ZBTB7C: variants seen among roughly 807,000 people sequenced by gnomAD.
ZBTB7C encodes zinc finger and BTB domain containing 7C, also known as zinc finger and BTB domain-containing protein 7C.
A neutral mutation model predicts 25.7 loss-of-function variants in ZBTB7C; 8 were observed. The ratio of observed to expected loss-of-function variants is 0.31; its 90% CI spans 0.18 to 0.56. The LOEUF (loss-of-function observed/expected upper bound fraction) is 0.56. Among genes scored for constraint, ZBTB7C ranks in the 20% least tolerant of loss-of-function variants. ZBTB7C has a pLI of 0.91. For synonymous variants in ZBTB7C, 394 were observed against 369.0 expected (o/e 1.07, Z -0.78); for missense variants, 824 against 855.2 (o/e 0.96, Z 0.46).
intron 2 of ZBTB7C, among the ~76,000 whole-genome samples, chr18:48,332,174 A>G (rs928241692): frequency 3.9e-5 from 6 of 152,210 alleles, no homozygotes; most frequent in Admixed American, 3.9e-4. Flanking sequence ...CTCTCAGTCT[A>G]TAACAATTCC....
At chr18:48,401,059 G>A (rs139363132) in intron 1 of ZBTB7C, among the ~76,000 whole-genome samples, 300 of 152,262 alleles carry the variant, frequency 2.0e-3, no homozygotes, top group Non-Finnish European at 3.2e-3. Flanking sequence ...CTCTCCTTCC[G>A]TTCAAGGTAG....
At chr18:48,357,576 T>C (rs992028205) in intron 1 of ZBTB7C, among the ~76,000 whole-genome samples, 7 of 152,296 alleles carry the variant, frequency 4.6e-5, no homozygotes, top group African/African-American at 1.7e-4. Context: ...TCAATTTGCC[T>C]TTCCCCAGCA....
chr18:48,373,228 G>T (rs376655960), intron 1 of ZBTB7C, among the ~76,000 whole-genome samples: 4 of 151,912 alleles, frequency 2.6e-5, no homozygotes, highest in African/African-American at 7.2e-5. Flanking sequence ...GCTTGGTACG[G>T]TCTTTGTGAT....
At chr18:48,358,998 C>T (rs2047040764) in intron 1 of ZBTB7C, among the ~76,000 whole-genome samples, 3 of 152,162 alleles carry the variant, frequency 2.0e-5, no homozygotes, top group African/African-American at 7.2e-5. Flanking sequence ...GCCCCTGTCT[C>T]CAATGCTTCC....
intron 2 of ZBTB7C, among the ~76,000 whole-genome samples, chr18:48,240,854 T>C (rs936236238): frequency 3.3e-5 from 5 of 152,162 alleles, no homozygotes; most frequent in African/African-American, 1.2e-4. Flanking sequence ...CATCTTAACA[T>C]TAACATTGAA....
intron 3 of ZBTB7C, among the ~76,000 whole-genome samples, chr18:48,155,620 C>T (rs2040819463): frequency 6.6e-6 from 1 of 152,194 alleles, no homozygotes. Context: ...CAGGCGTGAG[C>T]CACCGCGCCC....
At chr18:48,396,843 A>G (rs1599037753) in intron 1 of ZBTB7C, among the ~76,000 whole-genome samples, 1 of 152,240 alleles carries the variant, frequency 6.6e-6, no homozygotes, top group African/African-American at 2.4e-5. Flanking sequence ...AGCAAGTCAC[A>G]TGGCTCTCAT....
intron 2 of ZBTB7C, among the ~76,000 whole-genome samples, chr18:48,268,962 T>C (rs796490648): frequency 3.5e-5 from 5 of 143,020 alleles, no homozygotes; most frequent in African/African-American, 8.4e-5. Flanking sequence ...CTGTTTCTTT[T>C]TTTTTTTTTT....
chr18:48,162,180 C>T (rs1460988470), intron 3 of ZBTB7C, among the ~76,000 whole-genome samples: 1 of 152,234 alleles, frequency 6.6e-6, no homozygotes, highest in African/African-American at 2.4e-5. Context: ...GTGCCAGCTG[C>T]AGGCGTCCCC....
In ZBTB7C at chr18:48,029,688, G is replaced by C. The variant is rs762044533; in HGVS notation, c.1432C>G (p.Arg478Gly). 1.3e-6 allele frequency: 2 copies of C among 1,592,438 alleles called. No homozygotes were observed. Among genetic ancestry groups the C allele is most frequent in the African/African-American group, 2.7e-5 (2 of 74,690 alleles). ...CACGCAGCAGGCTTGCGGCCGCGTC[G>C]GGGCCGTGCCATGCGGCAGCTCTGG... ...KRQSCRMARPRRGRKPAAWRA... is the reference protein window; with the variant it reads ...KRQSCRMARPGRGRKPAAWRA... Residue 478 changes from arginine (R) to glycine (G), a missense_variant, in exon 5 of 5, where the codon CGA becomes GGA. This residue lies in a region of ZBTB7C where 342 missense variants were observed against 307.0 expected (regional missense o/e 1.11). Coordinates refer to ENST00000590800, the MANE Select transcript of ZBTB7C (RefSeq NM_001318841.2).
At chr18:48,154,788 C>T (rs910469534) in intron 3 of ZBTB7C, among the ~76,000 whole-genome samples, 2 of 152,184 alleles carry the variant, frequency 1.3e-5, no homozygotes, top group African/African-American at 4.8e-5. Context: ...TGAAGTCTCA[C>T]CTGCAAGTGC....
At chr18:48,345,946 T>C (rs560709342) in intron 1 of ZBTB7C, among the ~76,000 whole-genome samples, 6 of 152,358 alleles carry the variant, frequency 3.9e-5, no homozygotes, top group Admixed American at 3.3e-4. Flanking sequence ...GCTCTCATAC[T>C]CTATGATGCC....
rs897183174 is a variant in ZBTB7C at position 48,409,256 on chromosome 18, C to G, written c.-334G>C. 6.7e-6 allele frequency: 1 copy of G among 149,486 alleles called. No individual in the cohort carries two copies. Among genetic ancestry groups the G allele is most frequent in the African/African-American group, 2.4e-5 (1 of 40,994 alleles). 9.3% of individuals were successfully genotyped at this position (149,486 alleles called of 1,614,324 possible). A position where few individuals can be genotyped will look rare whatever the true frequency, so the allele number is the denominator to read the frequency against. Reference sequence around the variant, plus strand: ...CGCGCCGCCGGCCCTGCGCGCCTCCCGCACTTGGCTCCGGGACGCAGTCCT... The same window carrying G: ...CGCGCCGCCGGCCCTGCGCGCCTCCGGCACTTGGCTCCGGGACGCAGTCCT... On this transcript the variant is annotated 5_prime_UTR_variant, in exon 1 of 5. Transcript: ENST00000590800.
At position 48,332,673 on chromosome 18, in the gene ZBTB7C, C is replaced by CTTT. The variant is rs58216606; in HGVS notation, c.-79+5498_-79+5500dup. 4.9e-4 allele frequency among the ~76,000 whole-genome samples: 42 copies of CTTT among 85,694 alleles called. No individual in the cohort carries two copies. The South Asian group carries it at 8.4e-3, about 17-fold the overall frequency. 56.2% of individuals were successfully genotyped at this position (85,694 alleles called of 152,430 possible). A position where few individuals can be genotyped will look rare whatever the true frequency, so the allele number is the denominator to read the frequency against. On this transcript the variant is annotated intron_variant, in intron 2 of 4. Transcript: ENST00000590800. ...TTGGTGACCTTTTACCTCTCCTTTG[C>CTTT]TTTTTTTTTTTTTTTTTTTTTTTTT... is the stretch of plus-strand genomic sequence containing the variant.
At chr18:48,286,440 C>T (rs2045056678) in intron 2 of ZBTB7C, among the ~76,000 whole-genome samples, 1 of 152,024 alleles carries the variant, frequency 6.6e-6, no homozygotes, top group Non-Finnish European at 1.5e-5. Flanking sequence ...GACAGCACCA[C>T]TCATAAGGAT....
intron 3 of ZBTB7C, among the ~76,000 whole-genome samples, chr18:48,043,306 T>C (rs1360530745): frequency 6.6e-6 from 1 of 152,252 alleles, no homozygotes; most frequent in Non-Finnish European, 1.5e-5. Context: ...GGTCACTTTG[T>C]GCACGATAGT....
At chr18:48,269,191 T>C (rs1239629969) in intron 2 of ZBTB7C, among the ~76,000 whole-genome samples, 1 of 152,096 alleles carries the variant, frequency 6.6e-6, no homozygotes, top group Non-Finnish European at 1.5e-5. Context: ...CCCAAACTCC[T>C]GGCCTCAAGT....
intron 2 of ZBTB7C, among the ~76,000 whole-genome samples, chr18:48,319,889 G>A (rs2046048902): frequency 6.6e-6 from 1 of 152,060 alleles, no homozygotes; most frequent in African/African-American, 2.4e-5. Context: ...CAAAAGCAGG[G>A]AAAACAGAAA....
At chr18:48,074,435 G>A (rs1261582192) in intron 3 of ZBTB7C, among the ~76,000 whole-genome samples, 1 of 152,186 alleles carries the variant, frequency 6.6e-6, no homozygotes, top group Admixed American at 6.5e-5. Context: ...CTGTCTCCAT[G>A]GCCCTCTGGC....
Sources: allele counts gnomAD v4.1 joint callset (sites outside exome capture counted in the v4.1 genomes callset), GRCh38; gene constraint gnomAD v4.1.1; regional missense constraint gnomAD v4.1.1; transcripts MANE v1.5; gene names NCBI Gene and HGNC (gene_info 2026-07-23, HGNC 2026-07-21).